XYLT1: variants seen among roughly 807,000 people sequenced by gnomAD.
XYLT1 encodes the protein beta-D-xylosyltransferase 1.
XYLT1 carries 36 observed loss-of-function variants against 91.3 expected under a neutral mutation model. That is an observed-to-expected ratio of 0.39 (90% CI 0.30 to 0.52). XYLT1 has a LOEUF of 0.52. Ranked by LOEUF, XYLT1 falls within the 20% of genes least tolerant of loss-of-function variation. The pLI is 0.68. For synonymous variants in XYLT1, 588 were observed against 532.0 expected, an observed-to-expected ratio of 1.11 and a Z score of -1.45; for missense variants, 1,242 against 1,284.5, an observed-to-expected ratio of 0.97 and a Z score of 0.51.
At chr16:17,175,265 ATTTTACAATGGAGC>A (rs1262412778) in intron 5 of XYLT1, among the ~76,000 whole-genome samples, 4 of 152,174 alleles carry the variant, frequency 2.6e-5, no homozygotes, top group African/African-American at 9.7e-5. Flanking sequence ...CAGTAGCTCC[ATTTTACAATGGAGC>A]AAACTTCTCA....
chr16:17,217,254 G>A lies in XYLT1; in HGVS notation c.914-16600C>T, dbSNP rs191049158. ...CTGGGAGAAAACCAAGGAGGACCTCGTTTCGAACTCTGTTCTAGCTTCACT... is the reference window on the plus strand; with the variant it reads ...CTGGGAGAAAACCAAGGAGGACCTCATTTCGAACTCTGTTCTAGCTTCACT... On this transcript the variant is annotated intron_variant, in intron 3 of 11. Transcript: ENST00000261381. Among the ~76,000 whole-genome samples the A allele has an allele frequency of 8.7e-4, 132 of 152,234 alleles. 1 individual carries two copies. The Middle Eastern group carries it at 0.01, about 12-fold the overall frequency.
intron 2 of XYLT1, among the ~76,000 whole-genome samples, chr16:17,283,297 T>C (rs1034756441): frequency 2.0e-5 from 3 of 152,208 alleles, no homozygotes; most frequent in African/African-American, 7.2e-5. Context: ...TGTTCTTTAA[T>C]ATCTGTCAGG....
intron 10 of XYLT1, among the ~76,000 whole-genome samples, chr16:17,125,985 G>A (rs2380086): frequency 0.65 from 98,804 of 152,104 alleles, 33,019 homozygotes; most frequent in Non-Finnish European, 0.71. Context: ...GCCAGGCACT[G>A]TACAAGGCCC....
At chr16:17,456,315 A>G (rs1161329827) in intron 1 of XYLT1, among the ~76,000 whole-genome samples, 1 of 149,068 alleles carries the variant, frequency 6.7e-6, no homozygotes, top group African/African-American at 2.5e-5. Context: ...TCTTTGCAGC[A>G]GGCAAACAGT....
chr16:17,258,965 G>A, intron 3 of XYLT1, 23 bp downstream of exon 3: 2 of 1,488,870 alleles, frequency 1.3e-6, no homozygotes, highest in Non-Finnish European at 1.8e-6. Context: ...ATCCCTCTCT[G>A]AGCCAGCGGG....
chr16:17,443,672 G>C (rs1031746188), intron 1 of XYLT1, among the ~76,000 whole-genome samples: 1 of 152,158 alleles, frequency 6.6e-6, no homozygotes, highest in South Asian at 2.1e-4. Context: ...TTAAGTTCCT[G>C]CTACATGACA....
chr16:17,434,218 T>C (rs555586741), intron 1 of XYLT1, among the ~76,000 whole-genome samples: 54 of 152,174 alleles, frequency 3.5e-4, no homozygotes, highest in Non-Finnish European at 5.9e-4. Context: ...TCATCATCAA[T>C]GTCAAATGAT....
chr16:17,369,919 G>A (rs1021220594), intron 1 of XYLT1, among the ~76,000 whole-genome samples: 6 of 152,178 alleles, frequency 3.9e-5, no homozygotes, highest in African/African-American at 1.4e-4. Context: ...GAGTTGGCCC[G>A]AGGAGCCAAA....
In XYLT1 at chr16:17,137,989, C is replaced by A. The variant is rs186394993; in HGVS notation, c.1764+366G>T. 3.3e-5 allele frequency among the ~76,000 whole-genome samples: 5 copies of A among 151,884 alleles called. No homozygotes were observed. The East Asian group carries it at 9.8e-4, about 30-fold the overall frequency. ...ATACTTAAAAGCATATTCCTGGGTA[C>A]AAATGTAACAAATATTTTGGGAGAT... On this transcript the variant is annotated intron_variant, in intron 8 of 11. Coordinates refer to ENST00000261381, the MANE Select transcript of XYLT1 (RefSeq NM_022166.4).
chr16:17,425,734 A>G (rs553795640), intron 1 of XYLT1, among the ~76,000 whole-genome samples: 143 of 152,296 alleles, frequency 9.4e-4, no homozygotes, highest in African/African-American at 3.4e-3. Flanking sequence ...GCACACAGCC[A>G]GGCTGGTTCC....
intron 1 of XYLT1, among the ~76,000 whole-genome samples, chr16:17,384,433 T>C (rs34563800): frequency 0.31 from 46,556 of 151,700 alleles, 7,792 homozygotes; most frequent in Non-Finnish European, 0.38. Flanking sequence ...ATCTGACTCT[T>C]ATATATTTTG....
At chr16:17,134,427 C>T (rs1164043916) in intron 9 of XYLT1, 46 bp downstream of exon 9, 2 of 1,604,126 alleles carry the variant, frequency 1.2e-6, no homozygotes, top group East Asian at 2.2e-5. Context: ...CTGAGCCTCC[C>T]CTCCTGCTTC....
At chr16:17,129,659 G>A (rs886260704) in intron 9 of XYLT1, among the ~76,000 whole-genome samples, 3 of 152,188 alleles carry the variant, frequency 2.0e-5, no homozygotes, top group Non-Finnish European at 4.4e-5. Context: ...CTTTGGGAAA[G>A]CTGTCTCCCA....
At chr16:17,257,097 G>C (rs544742436) in intron 3 of XYLT1, among the ~76,000 whole-genome samples, 1 of 152,298 alleles carries the variant, frequency 6.6e-6, no homozygotes, top group African/African-American at 2.4e-5. Context: ...GCAGGGGTTG[G>C]TATTTGGATT....
At chr16:17,254,990 CTTTT>C (rs1567343470) in intron 3 of XYLT1, among the ~76,000 whole-genome samples, 1 of 131,640 alleles carries the variant, frequency 7.6e-6, no homozygotes, top group African/African-American at 3.0e-5. Flanking sequence ...TCCTTTTTTT[CTTTT>C]TCTTTTTTTT....
rs1468805203 is a variant in XYLT1, at chr16:17,134,555, G to C, written c.1945C>G (p.Leu649Val). 6.2e-7 allele frequency: 1 copy of C among 1,614,182 alleles called. No homozygotes were observed. The highest frequency in any genetic ancestry group is 1.7e-5 in the Admixed American group (1 of 60,020). ...CGGGCAAAGGAGTGGTACAAGGTGA[G>C]TGTCACGTCGCTCAGGCTGTGGATG... ...DGIHSLSDVTLTLYHSFARLG... is the reference protein window; with the variant it reads ...DGIHSLSDVTVTLYHSFARLG... The change falls in exon 9 of 12, where the codon CTC becomes GTC. Residue 649 changes from leucine to valine, a missense_variant. Transcript: ENST00000261381.
chr16:17,423,623 T>C (rs2036276240), intron 1 of XYLT1, among the ~76,000 whole-genome samples: 1 of 152,012 alleles, frequency 6.6e-6, no homozygotes, highest in Non-Finnish European at 1.5e-5. Flanking sequence ...TTTCTCTTTT[T>C]TTTTTGAGAC....
chr16:17,362,643 G>GCAATTAAGCCCCAACAA (rs2141866820), intron 1 of XYLT1, among the ~76,000 whole-genome samples: 1 of 152,378 alleles, frequency 6.6e-6, no homozygotes, highest in South Asian at 2.1e-4. Context: ...AAAGAAAGTA[G>GCAATTAAGCCCCAACAA]AGAGAGGAGG....
At chr16:17,320,306 T>A (rs1342838376) in intron 2 of XYLT1, among the ~76,000 whole-genome samples, 1 of 152,036 alleles carries the variant, frequency 6.6e-6, no homozygotes, top group Non-Finnish European at 1.5e-5. Context: ...AGGGGATGGG[T>A]GAAAGTTTGG....
Sources: allele counts gnomAD v4.1 joint callset (sites outside exome capture counted in the v4.1 genomes callset), GRCh38; gene constraint gnomAD v4.1.1; transcripts MANE v1.5; gene names NCBI Gene and HGNC (gene_info 2026-07-23, HGNC 2026-07-21).